Variants in PDE7B observed in about 807,000 individuals in gnomAD.
PDE7B encodes the protein 3',5'-cyclic-AMP phosphodiesterase 7B.
Under a neutral mutation model 56.2 loss-of-function variants are expected in PDE7B, and 29 were observed. The ratio of observed to expected loss-of-function variants is 0.52; its 90% CI spans 0.38 to 0.70. The LOEUF (loss-of-function observed/expected upper bound fraction) is 0.70. Among genes scored for constraint, PDE7B ranks in the 30% least tolerant of loss-of-function variants. The pLI is 0.00. For synonymous variants in PDE7B, 197 were observed against 196.9 expected, an observed-to-expected ratio of 1.00 and a Z score of 0.00; for missense variants, 490 against 565.0, an observed-to-expected ratio of 0.87 and a Z score of 1.35.
intron 2 of PDE7B, among the ~76,000 whole-genome samples, chr6:136,038,886 G>T (rs1285652143): frequency 6.6e-6 from 1 of 152,158 alleles, no homozygotes; most frequent in African/African-American, 2.4e-5. Flanking sequence ...CAACAAGTTA[G>T]AGATATCCCT....
At chr6:136,104,194 C>A (rs1362337885) in intron 2 of PDE7B, among the ~76,000 whole-genome samples, 2 of 123,286 alleles carry the variant, frequency 1.6e-5, no homozygotes, top group South Asian at 4.2e-4. Flanking sequence ...AAAGCAGCAG[C>A]CTTTCAAAAT....
At chr6:136,029,703 T>A (rs1776213903) in intron 2 of PDE7B, among the ~76,000 whole-genome samples, 1 of 152,220 alleles carries the variant, frequency 6.6e-6, no homozygotes, top group South Asian at 2.1e-4. Flanking sequence ...GTAGTTAAAA[T>A]TTCAATGTGG....
chr6:135,939,281 A>G (rs1333863063), intron 1 of PDE7B, among the ~76,000 whole-genome samples: 6 of 151,108 alleles, frequency 4.0e-5, no homozygotes, highest in East Asian at 1.9e-4. Flanking sequence ...GCTCGAGGTG[A>G]TTATCTTTTT....
At chr6:135,889,919 AT>A (rs1329749750) in intron 1 of PDE7B, among the ~76,000 whole-genome samples, 2 of 148,342 alleles carry the variant, frequency 1.3e-5, no homozygotes, top group Non-Finnish European at 3.0e-5. Flanking sequence ...CGCCCAGCTA[AT>A]TTTTGTATTT....
intron 3 of PDE7B, among the ~76,000 whole-genome samples, chr6:136,118,667 T>C (rs1192322289): frequency 6.6e-6 from 1 of 152,214 alleles, no homozygotes; most frequent in Non-Finnish European, 1.5e-5. Flanking sequence ...ATAATCCTTT[T>C]TATATATGAA....
chr6:135,956,644 A>G lies in PDE7B; in HGVS notation c.82+9120A>G, dbSNP rs148191048. Among the ~76,000 whole-genome samples, 166 of 152,036 alleles carry G rather than the reference A, an allele frequency of 1.1e-3. 3 individuals are homozygous for G. The East Asian group carries it at 0.023, about 21-fold the overall frequency. ...AAATACAAAACTTAGCCTTGAGGTG[A>G]TGGCAGGTGCCTATAGTCTCAGCTA... On this transcript the variant is annotated intron_variant, in intron 2 of 12. Coordinates refer to ENST00000308191, the MANE Select transcript of PDE7B (RefSeq NM_018945.4).
At chr6:135,943,087 T>C (rs1053974753) in intron 1 of PDE7B, among the ~76,000 whole-genome samples, 1 of 152,262 alleles carries the variant, frequency 6.6e-6, no homozygotes, top group African/African-American at 2.4e-5. Flanking sequence ...GAAGAATTTC[T>C]TCATTTTCAA....
intron 2 of PDE7B, among the ~76,000 whole-genome samples, chr6:136,033,460 T>C (rs2128209195): frequency 6.6e-6 from 1 of 152,270 alleles, no homozygotes. Flanking sequence ...AGGTCCCCAG[T>C]ACCTGAAAAA....
intron 1 of PDE7B, among the ~76,000 whole-genome samples, chr6:135,885,122 ATTC>A (rs942912320): frequency 1.3e-5 from 2 of 151,978 alleles, no homozygotes; most frequent in Non-Finnish European, 2.9e-5. Flanking sequence ...TCATATTTCT[ATTC>A]TTCTCTATTT....
chr6:135,872,981 A>G (rs868622648), intron 1 of PDE7B, among the ~76,000 whole-genome samples: 6 of 152,178 alleles, frequency 3.9e-5, no homozygotes, highest in South Asian at 2.1e-4. Context: ...GATTAAAACT[A>G]TCTTGAACTT....
intron 3 of PDE7B, among the ~76,000 whole-genome samples, chr6:136,119,957 T>C (rs1158138449): frequency 2.0e-5 from 3 of 152,168 alleles, no homozygotes; most frequent in African/African-American, 7.2e-5. Flanking sequence ...TAGATTCCAG[T>C]AGCAGTTGCT....
In PDE7B at chr6:135,961,255, ATGTG is replaced by A. The variant is rs961322926; in HGVS notation, c.82+13753_82+13756del. Among the ~76,000 whole-genome samples, 286 of 146,180 alleles carry A rather than the reference ATGTG, an allele frequency of 2.0e-3. 2 individuals are homozygous for A. Among genetic ancestry groups the A allele is most frequent in the African/African-American group, 2.4e-3 (94 of 38,460 alleles). ...GCAATTGTTGGGTCATAGAGTGTAT[ATGTG>A]TGTGTGTGTGTGTGTGTGTGTATGT... On this transcript the variant is annotated intron_variant, in intron 2 of 12. Coordinates refer to ENST00000308191, the MANE Select transcript of PDE7B (RefSeq NM_018945.4).
intron 2 of PDE7B, among the ~76,000 whole-genome samples, chr6:136,009,323 T>C (rs1289204049): frequency 1.6e-4 from 24 of 152,144 alleles, no homozygotes; most frequent in Non-Finnish European, 3.2e-4. Context: ...TGTGGGCTCT[T>C]TTTTGGTTCC....
chr6:136,084,090 TG>T lies in PDE7B; in HGVS notation c.83-24638del, dbSNP rs755731258. Among the ~76,000 whole-genome samples, 19 of 152,322 alleles carry T rather than the reference TG, an allele frequency of 1.2e-4. No homozygotes were observed. The East Asian group carries it at 2.9e-3, about 23-fold the overall frequency. ...ATTCCTCTTTCAACTAACTACCAAC[TG>T]GGACATTGTGTAAGGTCTATAGGAA... On this transcript the variant is annotated intron_variant, in intron 2 of 12. Transcript: ENST00000308191.
intron 1 of PDE7B, among the ~76,000 whole-genome samples, chr6:135,915,542 C>G (rs552613687): frequency 2.4e-4 from 37 of 152,206 alleles, no homozygotes; most frequent in Admixed American, 2.2e-3. Flanking sequence ...TTGCAAATAC[C>G]TTTAATAGAC....
intron 2 of PDE7B, among the ~76,000 whole-genome samples, chr6:135,964,068 C>G (rs1259858799): frequency 1.3e-5 from 2 of 151,726 alleles, no homozygotes; most frequent in Non-Finnish European, 2.9e-5. Context: ...GTTGTGACCA[C>G]TTGTTTTTAA....
intron 3 of PDE7B, among the ~76,000 whole-genome samples, chr6:136,117,467 G>C (rs1777858458): frequency 6.6e-6 from 1 of 152,114 alleles, no homozygotes; most frequent in South Asian, 2.1e-4. Flanking sequence ...AATATCTTTT[G>C]TATGTTTTCA....
chr6:135,970,807 T>C (rs1225261870), intron 2 of PDE7B, among the ~76,000 whole-genome samples: 1 of 152,118 alleles, frequency 6.6e-6, no homozygotes, highest in Non-Finnish European at 1.5e-5. Context: ...CTAGGGAGAC[T>C]GTAGTGGGGC....
chr6:135,958,623 G>A (rs745938382), intron 2 of PDE7B, among the ~76,000 whole-genome samples: 1 of 152,064 alleles, frequency 6.6e-6, no homozygotes, highest in Non-Finnish European at 1.5e-5. Context: ...CAAATTACGT[G>A]TATTACAAAG....
Sources: gnomAD v4.1 joint callset for allele counts (sites outside exome capture counted in the v4.1 genomes callset) on GRCh38, gnomAD v4.1.1 for gene constraint, MANE v1.5 for transcripts, NCBI Gene and HGNC (gene_info 2026-07-23, HGNC 2026-07-21) for gene names.